The following ROR1 variants were observed in gnomAD, a reference collection of about 807,000 sequenced individuals.
The protein encoded by ROR1 is ROR family WNT receptor 1.
A neutral mutation model predicts 78.8 loss-of-function variants in ROR1; 19 were observed. The ratio of observed to expected loss-of-function variants is 0.24; its 90% CI spans 0.17 to 0.35. The LOEUF is 0.35. Among genes scored for constraint, ROR1 ranks in the 10% least tolerant of loss-of-function variants. The pLI is 1.00. For missense variants in ROR1, 917 were observed against 1,177.8 expected, an observed-to-expected ratio of 0.78 and a Z score of 3.24; for synonymous variants, 386 against 433.6, an observed-to-expected ratio of 0.89 and a Z score of 1.36.
intron 1 of ROR1, among the ~76,000 whole-genome samples, chr1:63,899,395 T>C (rs1053904613): frequency 1.3e-5 from 2 of 152,198 alleles, no homozygotes; most frequent in African/African-American, 4.8e-5. Context: ...TTCTTTCCTT[T>C]TGTGCCTTTA....
rs1032644109 is a variant in ROR1, at chr1:63,784,082, C to T, written c.91+9574C>T. ...GATGATTAAAATTCTCTGTAAGATC[C>T]CAGCCAAATAGCTGAGTCAAAATAA... On this transcript the variant is annotated intron_variant, in intron 1 of 8. Transcript: ENST00000371079. Among the ~76,000 whole-genome samples the T allele has an allele frequency of 2.6e-4, 40 of 152,012 alleles. 1 individual carries two copies. Among genetic ancestry groups the T allele is most frequent in the Non-Finnish European group, 5.9e-5 (4 of 68,012 alleles).
At chr1:64,136,618 T>A (rs1649109329) in intron 4 of ROR1, among the ~76,000 whole-genome samples, 1 of 152,168 alleles carries the variant, frequency 6.6e-6, no homozygotes, top group Non-Finnish European at 1.5e-5. Flanking sequence ...ATGAATCATG[T>A]CATTTCTGGT....
chr1:63,915,522 A>T (rs1645602271), intron 1 of ROR1, among the ~76,000 whole-genome samples: 1 of 152,266 alleles, frequency 6.6e-6, no homozygotes, highest in South Asian at 2.1e-4. Context: ...GTATAAGAAG[A>T]GTGCAATGGA....
At chr1:63,980,408 G>A (rs1646201006) in intron 1 of ROR1, among the ~76,000 whole-genome samples, 1 of 152,130 alleles carries the variant, frequency 6.6e-6, no homozygotes, top group South Asian at 2.1e-4. Flanking sequence ...GTGATTTAAG[G>A]CCTGTGTGAA....
chr1:63,837,285 AT>A (rs1645023471), intron 1 of ROR1, among the ~76,000 whole-genome samples: 1 of 152,186 alleles, frequency 6.6e-6, no homozygotes, highest in African/African-American at 2.4e-5. Context: ...TATGCATACT[AT>A]TATTCTTTTT....
chr1:63,937,292 C>G (rs1211369907), intron 1 of ROR1, among the ~76,000 whole-genome samples: 2 of 152,160 alleles, frequency 1.3e-5, no homozygotes, highest in African/African-American at 4.8e-5. Flanking sequence ...TACTGCCATC[C>G]CAGACCCATT....
chr1:64,053,431 T>G (rs749123219), intron 4 of ROR1, among the ~76,000 whole-genome samples: 35 of 152,166 alleles, frequency 2.3e-4, no homozygotes, highest in Non-Finnish European at 4.6e-4. Context: ...TAGTTTACAG[T>G]AGGAACAAGC....
chr1:64,089,737 G>C (rs1647180400), intron 4 of ROR1, among the ~76,000 whole-genome samples: 1 of 152,170 alleles, frequency 6.6e-6, no homozygotes, highest in African/African-American at 2.4e-5. Flanking sequence ...GCAGGAAAAG[G>C]TTTGTTATTC....
intron 7 of ROR1, among the ~76,000 whole-genome samples, chr1:64,145,678 G>A (rs1435379948): frequency 6.6e-6 from 1 of 152,072 alleles, no homozygotes; most frequent in Non-Finnish European, 1.5e-5. Context: ...TGATAAGAAA[G>A]GAATAAAAAC....
At chr1:63,780,229 A>AT in intron 1 of ROR1, among the ~76,000 whole-genome samples, 1 of 151,190 alleles carries the variant, frequency 6.6e-6, no homozygotes, top group East Asian at 1.9e-4. Flanking sequence ...TCCAAACTTT[A>AT]TTTTTTTCAA....
chr1:63,885,449 G>C (rs1003075267), intron 1 of ROR1, among the ~76,000 whole-genome samples: 3 of 152,212 alleles, frequency 2.0e-5, no homozygotes, highest in East Asian at 1.9e-4. Flanking sequence ...CAAACAGGGG[G>C]ATATGGCAGT....
chr1:63,896,604 A>G lies in ROR1; in HGVS notation c.92-112701A>G, dbSNP rs556890558. Among the ~76,000 whole-genome samples the G allele has an allele frequency of 3.3e-5, 5 of 152,258 alleles. No homozygotes were observed. The South Asian group carries it at 6.2e-4, about 19-fold the overall frequency. ...ATAATGTAATCACAGTAAGATGGTG[A>G]TATTGGCGAAGCACCGGAAATGACT... On this transcript the variant is annotated intron_variant, in intron 1 of 8. Coordinates refer to ENST00000371079, the MANE Select transcript of ROR1 (RefSeq NM_005012.4).
chr1:64,137,455 A>C lies in ROR1; in HGVS notation c.569A>C (p.Glu190Ala). ...ATTGGCAACCGCACCGTCTATATGG[A>C]GTCTTTGCACATGCAAGGGGAAATA... The part of the protein sequence containing the change: ...RFIGNRTVYM[E>A]SLHMQGEIEN... Residue 190 changes from glutamate to alanine, a missense_variant, in exon 5 of 9, where the codon GAG (glutamate) becomes GCG (alanine). Around this residue, in one of 3 missense-constraint regions of ROR1, gnomAD observed 835 missense variants for 1,069.8 expected, o/e 0.78. Transcript: ENST00000371079. The C allele has an allele frequency of 6.2e-7, 1 of 1,613,918 alleles. No homozygotes were observed. Among genetic ancestry groups the C allele is most frequent in the Non-Finnish European group, 8.5e-7 (1 of 1,179,828 alleles).
chr1:63,942,517 T>C (rs1184300269), intron 1 of ROR1, among the ~76,000 whole-genome samples: 2 of 152,340 alleles, frequency 1.3e-5, no homozygotes, highest in East Asian at 1.9e-4. Flanking sequence ...CACGCCATTT[T>C]CATCTTTGTG....
At chr1:63,848,965 A>C (rs1332426382) in intron 1 of ROR1, among the ~76,000 whole-genome samples, 3 of 152,200 alleles carry the variant, frequency 2.0e-5, no homozygotes, top group Admixed American at 6.5e-5. Context: ...CTTAGATACC[A>C]AAGACTTATT....
At position 63,818,672 on chromosome 1, in the gene ROR1, T is replaced by C. The variant is rs535294062; in HGVS notation, c.91+44164T>C. The stretch of plus-strand genomic sequence containing the variant: ...AGGTAGAGCCCAAAATGGGCATTTT[T>C]CCCCTCCCCTAGGTCTGTTGTTTAA... On this transcript the variant is annotated intron_variant, in intron 1 of 8. Coordinates refer to ENST00000371079, the MANE Select transcript of ROR1 (RefSeq NM_005012.4). Among the ~76,000 whole-genome samples the C allele has an allele frequency of 6.6e-5, 10 of 152,338 alleles. No homozygotes were observed. In the South Asian group the frequency reaches 1.9e-3, roughly 28 times the overall value.
At chr1:63,831,300 G>A (rs1369049130) in intron 1 of ROR1, among the ~76,000 whole-genome samples, 1 of 152,178 alleles carries the variant, frequency 6.6e-6, no homozygotes, top group Non-Finnish European at 1.5e-5. Flanking sequence ...CCCTCTGCCT[G>A]CCCTAGTAGA....
chr1:64,096,985 T>C lies in ROR1; in HGVS notation c.483-40384T>C, dbSNP rs79863233. Among the ~76,000 whole-genome samples the C allele has an allele frequency of 3.3e-5, 5 of 152,204 alleles. No homozygotes were observed. The East Asian group carries it at 9.6e-4, about 29-fold the overall frequency. ...ATGATGATGTCAAGGATTCTGACAA[T>C]GTAAACAATGATGACAATGGTACAG... is the stretch of plus-strand genomic sequence containing the variant. On this transcript the variant is annotated intron_variant, in intron 4 of 8. Transcript: ENST00000371079.
intron 4 of ROR1, among the ~76,000 whole-genome samples, chr1:64,136,496 T>C (rs1385323293): frequency 6.6e-6 from 1 of 152,032 alleles, no homozygotes; most frequent in Non-Finnish European, 1.5e-5. Context: ...CGAGGGATCT[T>C]GTGCTCATCG....
Sources: gnomAD v4.1 joint callset for allele counts (sites outside exome capture counted in the v4.1 genomes callset) on GRCh38, gnomAD v4.1.1 for gene constraint, gnomAD v4.1.1 regional missense constraint, MANE v1.5 for transcripts, NCBI Gene and HGNC (gene_info 2026-07-23, HGNC 2026-07-21) for gene names.